Variants in NDUFA10 observed in about 807,000 individuals in gnomAD.
NDUFA10 encodes the protein NADH dehydrogenase [ubiquinone] 1 alpha subcomplex subunit 10, mitochondrial.
NDUFA10 carries 40 observed loss-of-function variants against 47.8 expected under a neutral mutation model. That is an observed-to-expected ratio of 0.84 (90% CI 0.65 to 1.09). The LOEUF (loss-of-function observed/expected upper bound fraction) is 1.09, where lower values mean the gene tolerates loss of function less well. Ranked by LOEUF, NDUFA10 falls within the 50% of genes least tolerant of loss-of-function variation. The pLI is 0.00. For missense variants in NDUFA10, 413 were observed against 451.1 expected, an observed-to-expected ratio of 0.92 and a Z score of 0.76; for synonymous variants, 183 against 172.2, an observed-to-expected ratio of 1.06 and a Z score of -0.49.
In NDUFA10 at chr2:239,958,943, CTGT is replaced by C. The variant is rs1352653724; in HGVS notation, c.*2172_*2174del. 1.0e-6 allele frequency: 1 copy of C among 985,392 alleles called. No homozygotes were observed. 61.0% of individuals were successfully genotyped at this position (985,392 alleles called of 1,614,324 possible). A position where few individuals can be genotyped will look rare whatever the true frequency, so the allele number is the denominator to read the frequency against. On this transcript the variant is annotated 3_prime_UTR_variant, in exon 10 of 10. Transcript: ENST00000252711. The stretch of plus-strand genomic sequence containing the variant: ...TTATTTTGATCCTGGTTTGTTGGTG[CTGT>C]TGTTTTAGTTGTAAGAGCTTTCGTG...
At chr2:240,017,195 A>G (rs991704875) in intron 4 of NDUFA10, among the ~76,000 whole-genome samples, 48 of 152,162 alleles carry the variant, frequency 3.2e-4, no homozygotes, top group Non-Finnish European at 8.8e-5. Context: ...CATGCTAAAA[A>G]TCCTCCAGTG....
At chr2:239,983,103 G>C (rs1238744952) in intron 9 of NDUFA10, among the ~76,000 whole-genome samples, 1 of 152,210 alleles carries the variant, frequency 6.6e-6, no homozygotes. Flanking sequence ...AAGTCACTCA[G>C]GTCAGAATGA....
At chr2:240,025,176 C>T (rs1697809715) in intron 1 of NDUFA10, 51 bp downstream of exon 1, 1 of 422,440 alleles carries the variant, frequency 2.4e-6, no homozygotes, top group Non-Finnish European at 3.8e-6. Flanking sequence ...CCCACCCCGC[C>T]ACCCCGCCAC....
At chr2:239,893,763 C>A (rs1693337972) in intron 5 of NDUFA10, among the ~76,000 whole-genome samples, 1 of 152,220 alleles carries the variant, frequency 6.6e-6, no homozygotes, top group Non-Finnish European at 1.5e-5. Context: ...TCATTCAAAC[C>A]ACGCAGTGGG....
intron 1 of NDUFA10, among the ~76,000 whole-genome samples, chr2:240,023,716 C>T (rs1574905240): frequency 6.6e-6 from 1 of 152,062 alleles, no homozygotes; most frequent in Non-Finnish European, 1.5e-5. Flanking sequence ...TTAAATAAAA[C>T]AGGAGAATAT....
At chr2:239,952,522 G>A (rs557089104), downstream of NDUFA10, among the ~76,000 whole-genome samples, 2 of 152,306 alleles carry the variant, frequency 1.3e-5, no homozygotes, top group African/African-American at 4.8e-5. Flanking sequence ...AAGAGCTTCT[G>A]AGCACCAACA....
chr2:239,993,151 T>A (rs1286896679), intron 8 of NDUFA10, among the ~76,000 whole-genome samples: 1 of 152,212 alleles, frequency 6.6e-6, no homozygotes, highest in Non-Finnish European at 1.5e-5. Flanking sequence ...TCCTTCTCTA[T>A]GCTCCGATAA....
At chr2:239,896,756 A>C (rs1379035431) in intron 4 of NDUFA10, among the ~76,000 whole-genome samples, 1 of 152,218 alleles carries the variant, frequency 6.6e-6, no homozygotes, top group African/African-American at 2.4e-5. Flanking sequence ...AAAATGCCCG[A>C]TCCGTGAAAG....
In NDUFA10 at chr2:239,959,883, G is replaced by A; in HGVS notation, c.*1235C>T. ...AAAAAGGCAGGCGGACGCAAGGAGG[G>A]AAGGAGTGTGCATCTTCTTCGCATG... On this transcript the variant is annotated 3_prime_UTR_variant, in exon 10 of 10. Coordinates refer to ENST00000252711, the MANE Select transcript of NDUFA10 (RefSeq NM_004544.4). 1.0e-6 allele frequency: 1 copy of A among 985,372 alleles called. No homozygotes were observed. The highest frequency in any genetic ancestry group is 1.7e-5 in the African/African-American group (1 of 57,338). 61.0% of individuals were successfully genotyped at this position (985,372 alleles called of 1,614,324 possible).
At chr2:239,962,344 A>G (rs896777546) in intron 9 of NDUFA10, among the ~76,000 whole-genome samples, 1 of 152,158 alleles carries the variant, frequency 6.6e-6, no homozygotes, top group Non-Finnish European at 1.5e-5. Flanking sequence ...CCATCCACAC[A>G]GCCATGGCTG....
chr2:239,949,413 C>T (rs751008920), intron 4 of NDUFA10, among the ~76,000 whole-genome samples: 1 of 152,136 alleles, frequency 6.6e-6, no homozygotes, highest in Admixed American at 6.5e-5. Context: ...GGAAGGCAGG[C>T]GGCACTCCCC....
intron 8 of NDUFA10, among the ~76,000 whole-genome samples, chr2:239,993,313 C>T (rs1212326421): frequency 6.6e-6 from 1 of 152,216 alleles, no homozygotes; most frequent in Non-Finnish European, 1.5e-5. Context: ...TGATGCCCAG[C>T]AGTAGCTAAT....
Position 240,025,193 on chromosome 2 carries a change from ACCCCGCCACCCTGC to A in NDUFA10, c.75+20_75+33del. 1.7e-6 allele frequency: 1 copy of A among 586,768 alleles called. No homozygotes were observed. Among genetic ancestry groups the A allele is most frequent in the East Asian group, 6.0e-5 (1 of 16,686 alleles). 36.3% of individuals were successfully genotyped at this position (586,768 alleles called of 1,614,324 possible). On this transcript the variant is annotated intron_variant, in intron 1 of 9. Transcript: ENST00000252711. ...CACCCCGCCACCCCGCCACCCTGCCACCCCGCCACCCTGCCACCCCGCCGCCCGCTCACCACGCG... is the reference window on the plus strand; with the variant it reads ...CACCCCGCCACCCCGCCACCCTGCCACACCCCGCCGCCCGCTCACCACGCG...
intron 9 of NDUFA10, among the ~76,000 whole-genome samples, chr2:239,971,233 G>T (rs1695293029): frequency 6.6e-6 from 1 of 152,220 alleles, no homozygotes; most frequent in South Asian, 2.1e-4. Context: ...ATGTCATTCA[G>T]GAGAAAGCCA....
chr2:240,020,088 G>A (rs183794721), intron 3 of NDUFA10, among the ~76,000 whole-genome samples: 2 of 152,304 alleles, frequency 1.3e-5, no homozygotes, highest in East Asian at 3.9e-4. Flanking sequence ...GTAGATACGT[G>A]TCATGGACAC....
At chr2:239,908,897 G>A (rs1693701126) in intron 4 of NDUFA10, among the ~76,000 whole-genome samples, 1 of 152,158 alleles carries the variant, frequency 6.6e-6, no homozygotes, top group Non-Finnish European at 1.5e-5. Flanking sequence ...GCCCCAGGAG[G>A]AGCCCCCAAG....
chr2:239,972,283 C>CA lies in NDUFA10; in HGVS notation c.1000-11098dup, dbSNP rs943044877. 2.6e-5 allele frequency among the ~76,000 whole-genome samples: 4 copies of CA among 151,642 alleles called. No individual in the cohort carries two copies. The South Asian group carries it at 6.2e-4, about 24-fold the overall frequency. ...TATTACTGTAAATATATAAATTAAA[C>CA]AAAAAAACGATTGAGTGAGGGCCTG... On this transcript the variant is annotated intron_variant, in intron 9 of 9. Transcript: ENST00000252711.
Position 239,935,142 on chromosome 2 carries a change from T to A in NDUFA10, c.295-39828A>T, listed in dbSNP as rs546963422. Among the ~76,000 whole-genome samples, 7 of 152,304 alleles carry A rather than the reference T, an allele frequency of 4.6e-5. No homozygotes were observed. In the East Asian group the frequency reaches 1.4e-3, roughly 29 times the overall value. ...TGTCTCTCAGCGCTGGTTCCCAGGA[T>A]GCAAAATTGAACGGGGTGCCTCCCT... is the stretch of plus-strand genomic sequence containing the variant. On this transcript the variant is annotated intron_variant, in intron 4 of 5. Coordinates refer to the NDUFA10 transcript ENST00000419408.
intron 4 of NDUFA10, among the ~76,000 whole-genome samples, chr2:239,932,124 G>A (rs557826606): frequency 3.9e-5 from 6 of 152,128 alleles, no homozygotes; most frequent in African/African-American, 9.6e-5. Context: ...GTGAGCCACC[G>A]CGCCCGGCCT....
Sources: allele counts gnomAD v4.1 joint callset (sites outside exome capture counted in the v4.1 genomes callset), GRCh38; gene constraint gnomAD v4.1.1; transcripts MANE v1.5; gene names NCBI Gene and HGNC (gene_info 2026-07-23, HGNC 2026-07-21).